The following DAP variants were observed in gnomAD, a reference collection of about 807,000 sequenced individuals.
The protein encoded by DAP is death associated protein.
A neutral mutation model predicts 13.8 loss-of-function variants in DAP; 8 were observed. That is an observed-to-expected ratio of 0.58 (90% confidence interval 0.34 to 1.05). DAP has a LOEUF of 1.05. DAP is among the 50% of genes least tolerant of loss of function. DAP has a pLI of 0.03. For synonymous variants in DAP, 47 were observed against 47.5 expected (o/e 0.99, Z 0.04); for missense variants, 106 against 133.2 (o/e 0.80, Z 1.01).
intron 2 of DAP, among the ~76,000 whole-genome samples, chr5:10,688,672 C>T (rs1180386681): frequency 6.6e-6 from 1 of 151,740 alleles, no homozygotes; most frequent in East Asian, 2.0e-4. Flanking sequence ...GACACACACA[C>T]ACAACTACTG....
intron 2 of DAP, among the ~76,000 whole-genome samples, chr5:10,686,506 G>T (rs1481925038): frequency 6.6e-6 from 1 of 152,188 alleles, no homozygotes; most frequent in Non-Finnish European, 1.5e-5. Context: ...TGGAGTGAGT[G>T]ACAAGGAAGT....
intron 2 of DAP, among the ~76,000 whole-genome samples, chr5:10,690,158 T>C (rs941827239): frequency 6.6e-6 from 1 of 152,172 alleles, no homozygotes; most frequent in African/African-American, 2.4e-5. Context: ...GAAAGTCTTA[T>C]CGAGCCGCAA....
At chr5:10,700,555 T>G (rs1447302228) in intron 2 of DAP, among the ~76,000 whole-genome samples, 1 of 152,202 alleles carries the variant, frequency 6.6e-6, no homozygotes, top group Non-Finnish European at 1.5e-5. Flanking sequence ...TCACTGGCAC[T>G]GTTGCGCCCC....
intron 2 of DAP, among the ~76,000 whole-genome samples, chr5:10,688,458 ACAT>A (rs1183263032): frequency 6.6e-6 from 1 of 152,204 alleles, no homozygotes; most frequent in Non-Finnish European, 1.5e-5. Context: ...TGGAGGGTAA[ACAT>A]AACTTTTATA....
At chr5:10,760,874 C>T in intron 1 of DAP, 140 bp downstream of exon 1, 1 of 419,090 alleles carries the variant, frequency 2.4e-6, no homozygotes, top group Non-Finnish European at 3.7e-6. Flanking sequence ...CCGCGGCCCG[C>T]GCCCCTCGGG....
At chr5:10,720,848 C>T (rs1739118063) in intron 2 of DAP, among the ~76,000 whole-genome samples, 1 of 152,244 alleles carries the variant, frequency 6.6e-6, no homozygotes, top group Non-Finnish European at 1.5e-5. Context: ...GACACTTACT[C>T]TGGATATAGG....
Position 10,711,399 on chromosome 5 carries a change from C to T in DAP, c.153-27828G>A, listed in dbSNP as rs146603721. Among the ~76,000 whole-genome samples the T allele has an allele frequency of 5.9e-3, 895 of 152,306 alleles. 4 individuals are homozygous for T. Among genetic ancestry groups the T allele is most frequent in the Middle Eastern group, 0.01 (3 of 294 alleles). On this transcript the variant is annotated intron_variant, in intron 2 of 3. Coordinates refer to ENST00000230895, the MANE Select transcript of DAP (RefSeq NM_004394.3). ...GCCTCAGACAGGGTGGGACTGGAGA[C>T]AAAGGTGGTCTCACCGGGGCGTAAC...
intron 2 of DAP, among the ~76,000 whole-genome samples, chr5:10,725,674 T>C (rs758010372): frequency 3.3e-5 from 5 of 152,362 alleles, no homozygotes; most frequent in Admixed American, 6.5e-5. Flanking sequence ...ACTTAAACAT[T>C]TGAAGTAGGA....
intron 2 of DAP, among the ~76,000 whole-genome samples, chr5:10,730,416 G>A (rs749664707): frequency 3.3e-5 from 5 of 151,700 alleles, no homozygotes; most frequent in Non-Finnish European, 7.4e-5. Flanking sequence ...AGCCCCGGTG[G>A]GGGGGAATCT....
At chr5:10,708,186 C>T (rs1277306531) in intron 2 of DAP, among the ~76,000 whole-genome samples, 1 of 152,178 alleles carries the variant, frequency 6.6e-6, no homozygotes, top group Non-Finnish European at 1.5e-5. Context: ...CTTCTCTACT[C>T]TGGAATTGCT....
At chr5:10,683,118 C>T (rs985971755) in intron 3 of DAP, 12 of 240,968 alleles carry the variant, frequency 5.0e-5, no homozygotes, top group East Asian at 1.6e-4. Context: ...TGGCTGGCTG[C>T]GGTCACAGCT....
At chr5:10,750,641 G>A (rs1740023895) in intron 1 of DAP, among the ~76,000 whole-genome samples, 1 of 152,086 alleles carries the variant, frequency 6.6e-6, no homozygotes, top group Non-Finnish European at 1.5e-5. Context: ...GTATTTGATG[G>A]GGTCTTATTC....
At chr5:10,752,151 C>T (rs1740062662) in intron 1 of DAP, among the ~76,000 whole-genome samples, 2 of 152,362 alleles carry the variant, frequency 1.3e-5, no homozygotes, top group African/African-American at 4.8e-5. Context: ...CCTGTCCGCT[C>T]CTCTGCTGAA....
Position 10,681,119 on chromosome 5 carries a change from C to T in DAP, c.246G>A (p.Pro82=), listed in dbSNP as rs528341411. ...PAAAQVAHQK[P]HASMDKHPSP... ...AAGGATGCTTGTCCATGGAGGCATG[C>T]GGCTTCTGGTGAGCCACCTGCGCAG... is the stretch of plus-strand genomic sequence containing the variant. The change falls in exon 4 of 4, where the codon CCG becomes CCA. Residue 82 remains proline, a synonymous_variant. Coordinates refer to ENST00000230895, the MANE Select transcript of DAP (RefSeq NM_004394.3). 1.4e-5 allele frequency: 22 copies of T among 1,557,660 alleles called. No homozygotes were observed. The highest frequency in any genetic ancestry group is 3.7e-5 in the South Asian group (3 of 81,066).
chr5:10,726,242 C>A (rs1218914678), intron 2 of DAP, among the ~76,000 whole-genome samples: 1 of 152,224 alleles, frequency 6.6e-6, no homozygotes, highest in Non-Finnish European at 1.5e-5. Context: ...TCATTACTCA[C>A]CCACAGTGAA....
chr5:10,722,533 TATATATAC>T (rs1300126919), intron 2 of DAP, among the ~76,000 whole-genome samples: 5 of 149,752 alleles, frequency 3.3e-5, no homozygotes, highest in Admixed American at 2.0e-4. Flanking sequence ...TATACATGCA[TATATATAC>T]ATATATACAT....
intron 2 of DAP, among the ~76,000 whole-genome samples, chr5:10,737,847 C>G (rs920636945): frequency 6.6e-6 from 1 of 152,278 alleles, no homozygotes; most frequent in Admixed American, 6.5e-5. Context: ...CTTTATTAAT[C>G]CAGTTAAAAT....
intron 2 of DAP, among the ~76,000 whole-genome samples, chr5:10,696,091 C>T (rs1242426043): frequency 6.6e-6 from 1 of 152,210 alleles, no homozygotes; most frequent in African/African-American, 2.4e-5. Flanking sequence ...ACTTCAGTTT[C>T]TGGCGTGTGG....
intron 2 of DAP, among the ~76,000 whole-genome samples, chr5:10,717,814 T>C (rs533612296): frequency 2.7e-4 from 41 of 151,988 alleles, no homozygotes; most frequent in African/African-American, 1.9e-4. Context: ...AGCTATGGCA[T>C]TGGCTAATTA....
Sources: gnomAD v4.1 joint callset for allele counts (sites outside exome capture counted in the v4.1 genomes callset) on GRCh38, gnomAD v4.1.1 for gene constraint, MANE v1.5 for transcripts, NCBI Gene and HGNC (gene_info 2026-07-23, HGNC 2026-07-21) for gene names.